Variants in ADGRF1 observed in about 807,000 individuals in gnomAD.
The protein encoded by ADGRF1 is G protein-coupled receptor 110.
ADGRF1 carries 85 observed loss-of-function variants against 87.2 expected under a neutral mutation model. The ratio of observed to expected loss-of-function variants is 0.97; its 90% CI spans 0.82 to 1.17. The LOEUF (loss-of-function observed/expected upper bound fraction) is 1.17, where lower values mean the gene tolerates loss of function less well. Among genes scored for constraint, ADGRF1 ranks in the 50% most tolerant of loss-of-function variants. ADGRF1 has a pLI of 0.00. For synonymous variants in ADGRF1, 430 were observed against 408.8 expected (o/e 1.05, Z -0.63); for missense variants, 1,169 against 1,077.2 (o/e 1.09, Z -1.19).
intron 14 of ADGRF1, 110 bp downstream of exon 14, chr6:47,001,391 C>T: frequency 1.2e-6 from 1 of 856,576 alleles, no homozygotes; most frequent in Non-Finnish European, 1.8e-6. Flanking sequence ...GCTGATAATC[C>T]CACACTTCTC....
chr6:47,027,680 C>A (rs201508043), intron 3 of ADGRF1, 24 bp downstream of exon 3: 1 of 1,571,704 alleles, frequency 6.4e-7, no homozygotes, highest in Non-Finnish European at 8.7e-7. Context: ...ATCCACTGCA[C>A]CATGCTGTCT....
At chr6:47,026,985 C>T (rs1016511455) in intron 3 of ADGRF1, among the ~76,000 whole-genome samples, 3 of 152,214 alleles carry the variant, frequency 2.0e-5, no homozygotes, top group African/African-American at 7.2e-5. Context: ...ATCCTGGTCC[C>T]TGCCCCTAGT....
intron 9 of ADGRF1, 124 bp downstream of exon 9, chr6:47,014,557 G>A (rs986661442): frequency 4.7e-6 from 7 of 1,481,966 alleles, no homozygotes; most frequent in Middle Eastern, 2.0e-4. Flanking sequence ...TGTCATCCTT[G>A]CTCTTTGCAT....
intron 1 of ADGRF1, among the ~76,000 whole-genome samples, chr6:47,036,376 A>C (rs951467849): frequency 7.2e-5 from 11 of 152,168 alleles, no homozygotes. Context: ...CTGCACACGT[A>C]CCCCCTGATG....
chr6:47,011,376 T>C (rs762608491), intron 10 of ADGRF1, among the ~76,000 whole-genome samples: 13 of 152,240 alleles, frequency 8.5e-5, no homozygotes, highest in Non-Finnish European at 1.9e-4. Flanking sequence ...TCCTTTAACA[T>C]ATAAAATGTA....
intron 11 of ADGRF1, 54 bp from the exon 12 acceptor site, chr6:47,007,348 G>C: frequency 1.8e-6 from 2 of 1,141,570 alleles, no homozygotes; most frequent in South Asian, 2.6e-5. Flanking sequence ...TTCCAAAAAA[G>C]AAAGCATTTA....
At position 47,000,372 on chromosome 6, in the gene ADGRF1, TG is replaced by T. The variant is rs1168609310; in HGVS notation, c.2660-78del. On this transcript the variant is annotated intron_variant, in intron 14 of 14. Transcript: ENST00000371253. ...CATGAGACCAAAATGAAAATTAGCC[TG>T]TAGATTATTTCACAACTAGGAACAG... The T allele has an allele frequency of 3.2e-5, 34 of 1,058,408 alleles. No homozygotes were observed. In the African/African-American group the frequency reaches 5.2e-4, roughly 16 times the overall value. 65.6% of individuals were successfully genotyped at this position (1,058,408 alleles called of 1,614,324 possible). A position where few individuals can be genotyped will look rare whatever the true frequency, so the allele number is the denominator to read the frequency against.
rs368426693 is a variant in ADGRF1, at chr6:47,016,756, G to A, written c.624C>T (p.Ile208=). 14 of 1,586,344 alleles carry A rather than the reference G, an allele frequency of 8.8e-6. No homozygotes were observed. Among genetic ancestry groups the A allele is most frequent in the South Asian group, 4.5e-5 (4 of 88,138 alleles). The part of the protein sequence containing the change: ...VQVTQFRNGS[I]VAGYEVVGSS... ...AGCCAACAACTTCATACCCAGCAAC[G>A]ATGCTTCCATTTCTGCAGTGATTAT... The change falls in exon 8 of 15, where the codon ATC becomes ATT. Residue 208 remains isoleucine (I), a synonymous_variant. Coordinates refer to ENST00000371253, the MANE Select transcript of ADGRF1 (RefSeq NM_153840.4).
chr6:47,006,229 G>A (rs923988883), intron 12 of ADGRF1, among the ~76,000 whole-genome samples: 2 of 152,074 alleles, frequency 1.3e-5, no homozygotes, highest in African/African-American at 4.8e-5. Flanking sequence ...ACAGCAAATT[G>A]CTTCTTTGTA....
intron 12 of ADGRF1, among the ~76,000 whole-genome samples, chr6:47,006,164 G>A (rs940610463): frequency 6.6e-6 from 1 of 152,120 alleles, no homozygotes; most frequent in Admixed American, 6.5e-5. Context: ...GAAGTGAAGA[G>A]TTTCCTAACC....
At chr6:47,006,869 G>A (rs1299827440) in intron 12 of ADGRF1, among the ~76,000 whole-genome samples, 7 of 152,192 alleles carry the variant, frequency 4.6e-5, no homozygotes, top group Admixed American at 4.6e-4. Flanking sequence ...AAGTATAGAA[G>A]TAGATATATA....
At chr6:47,013,542 G>A (rs1380380093) in intron 9 of ADGRF1, 2 of 985,400 alleles carry the variant, frequency 2.0e-6, no homozygotes, top group East Asian at 1.1e-4. Context: ...CTGGTCTTGG[G>A]GTCCTTCTTT....
Position 47,020,786 on chromosome 6 carries a change from T to A in ADGRF1, c.556A>T (p.Lys186Ter). ...KYANGIEIQL[K>*]KAYERIQGFE... ...CCTTGAATTCTTTCATATGCTTTTT[T>A]AAGCTTAGAAAGAGAACAAAGAACA... The change falls in exon 7 of 15, where the codon AAA becomes TAA. Residue 186 changes from lysine (K) to a stop codon, truncating the protein, a stop_gained. Coordinates refer to ENST00000371253, the MANE Select transcript of ADGRF1 (RefSeq NM_153840.4). LOFTEE classifies it high-confidence loss of function. The A allele has an allele frequency of 6.2e-7, 1 of 1,613,374 alleles. No individual in the cohort carries two copies.
At chr6:47,036,237 G>GAACAA (rs1025961785) in intron 1 of ADGRF1, among the ~76,000 whole-genome samples, 5 of 151,806 alleles carry the variant, frequency 3.3e-5, no homozygotes, top group Admixed American at 6.6e-5. Context: ...CTCAAAAACA[G>GAACAA]AACAAAACAA....
At chr6:47,026,481 T>A (rs1386173712) in intron 3 of ADGRF1, among the ~76,000 whole-genome samples, 1 of 152,044 alleles carries the variant, frequency 6.6e-6, no homozygotes, top group Non-Finnish European at 1.5e-5. Context: ...ATTCGTTAGC[T>A]GCGTGTGGGT....
At chr6:47,036,732 A>C (rs1780599124) in intron 1 of ADGRF1, among the ~76,000 whole-genome samples, 1 of 152,188 alleles carries the variant, frequency 6.6e-6, no homozygotes, top group African/African-American at 2.4e-5. Flanking sequence ...TTTCATTATA[A>C]TTTTCTTAAA....
chr6:47,035,853 G>C (rs1279259458), intron 1 of ADGRF1, among the ~76,000 whole-genome samples: 1 of 152,144 alleles, frequency 6.6e-6, no homozygotes, highest in Non-Finnish European at 1.5e-5. Flanking sequence ...CTAAGCACTG[G>C]GTACACATGA....
In ADGRF1 at chr6:47,024,806, G is replaced by A. The variant is rs79214541; in HGVS notation, c.278-589C>T. Among the ~76,000 whole-genome samples the A allele has an allele frequency of 3.3e-3, 498 of 152,326 alleles. 2 individuals are homozygous for A. The highest frequency in any genetic ancestry group is 5.3e-3 in the Non-Finnish European group (361 of 68,034). On this transcript the variant is annotated intron_variant, in intron 4 of 14. Coordinates refer to ENST00000371253, the MANE Select transcript of ADGRF1 (RefSeq NM_153840.4). Reference sequence around the variant, plus strand: ...AATGTCCAACTCAATAAATTCTGAGGTTGGTATCAGAAAGCTAACAAACAT... The same window carrying A: ...AATGTCCAACTCAATAAATTCTGAGATTGGTATCAGAAAGCTAACAAACAT...
At chr6:47,027,576 C>G in intron 3 of ADGRF1, 128 bp downstream of exon 3, 1 of 636,198 alleles carries the variant, frequency 1.6e-6, no homozygotes, top group East Asian at 2.7e-5. Context: ...TGTCATTCTC[C>G]TTGTACATAT....
Sources: allele counts gnomAD v4.1 joint callset (sites outside exome capture counted in the v4.1 genomes callset), GRCh38; gene constraint gnomAD v4.1.1; transcripts MANE v1.5; gene names NCBI Gene and HGNC (gene_info 2026-07-23, HGNC 2026-07-21).